The following MAP3K4 variants were observed in gnomAD, a reference collection of about 807,000 sequenced individuals.
MAP3K4 encodes the protein MAP three kinase 1.
A neutral mutation model predicts 185.6 loss-of-function variants in MAP3K4; 67 were observed. The ratio of observed to expected loss-of-function variants is 0.36; its 90% CI spans 0.30 to 0.44. The LOEUF (loss-of-function observed/expected upper bound fraction) is 0.44. Among genes scored for constraint, MAP3K4 ranks in the 20% least tolerant of loss-of-function variants. The pLI is 1.00. For synonymous variants in MAP3K4, 702 were observed against 710.4 expected (o/e 0.99, Z 0.19); for missense variants, 1,551 against 1,995.1 (o/e 0.78, Z 4.24).
At chr6:161,032,378 A>C (rs1422417555) in intron 1 of MAP3K4, among the ~76,000 whole-genome samples, 1 of 152,208 alleles carries the variant, frequency 6.6e-6, no homozygotes, top group Non-Finnish European at 1.5e-5. Flanking sequence ...TCAAGCATTT[A>C]GTGAACACTT....
chr6:160,992,349 C>T (rs1448535138), intron 1 of MAP3K4: 1 of 503,108 alleles, frequency 2.0e-6, no homozygotes, highest in South Asian at 3.0e-5. Context: ...ACTCCCCCAG[C>T]TCACCCTCAA....
chr6:160,993,984 G>A (rs1780872658), intron 1 of MAP3K4, among the ~76,000 whole-genome samples: 1 of 151,958 alleles, frequency 6.6e-6, no homozygotes, highest in African/African-American at 2.4e-5. Flanking sequence ...TCAATACATA[G>A]AACTGACCTC....
chr6:161,007,899 A>G lies in MAP3K4; in HGVS notation c.152+15816A>G, dbSNP rs1781666952. On this transcript the variant is annotated intron_variant, in intron 1 of 26. Coordinates refer to ENST00000392142, the MANE Select transcript of MAP3K4 (RefSeq NM_005922.4). This position sits in a 1 kb window ranked among gnomAD's most constrained non-coding sequence, Gnocchi z 4.5. Reference sequence around the variant, plus strand: ...GCTTTTTTTATATCAGTTGTAGGGTACGGTGAAATATCAGAGATGTTAAAA... The same window carrying G: ...GCTTTTTTTATATCAGTTGTAGGGTGCGGTGAAATATCAGAGATGTTAAAA... Among the ~76,000 whole-genome samples, 1 of 152,222 alleles carries G rather than the reference A, an allele frequency of 6.6e-6. No homozygotes were observed. Among genetic ancestry groups the G allele is most frequent in the African/African-American group, 2.4e-5 (1 of 41,470 alleles).
In MAP3K4 at chr6:161,071,345, G is replaced by C. The variant is rs1243509442; in HGVS notation, c.1950+495G>C. Among the ~76,000 whole-genome samples, 1 of 152,188 alleles carries C rather than the reference G, an allele frequency of 6.6e-6. No homozygotes were observed. Among genetic ancestry groups the C allele is most frequent in the African/African-American group, 2.4e-5 (1 of 41,458 alleles). On this transcript the variant is annotated intron_variant, in intron 4 of 26. Transcript: ENST00000392142. The surrounding 1 kb of genome is among the most constrained non-coding windows in gnomAD (Gnocchi z 4.6). Reference sequence around the variant, plus strand: ...ACGGATGTTTGATATCCCAGGAGCAGCAGCGGAATGGGTGGAAGCAGTTGT... The same window carrying C: ...ACGGATGTTTGATATCCCAGGAGCACCAGCGGAATGGGTGGAAGCAGTTGT...
intron 3 of MAP3K4, among the ~76,000 whole-genome samples, chr6:161,057,557 CAG>C (rs1491283492): frequency 6.6e-6 from 1 of 152,148 alleles, no homozygotes; most frequent in African/African-American, 2.4e-5. Flanking sequence ...TAGGACAAGT[CAG>C]AATCTCCCAG....
In MAP3K4 at chr6:161,101,946, G is replaced by C. The variant is rs781728287; in HGVS notation, c.3729G>C (p.Gln1243His). 6.2e-7 allele frequency: 1 copy of C among 1,614,172 alleles called. No homozygotes were observed. The highest frequency in any genetic ancestry group is 8.5e-7 in the Non-Finnish European group (1 of 1,180,014). Residue 1243 changes from glutamine to histidine, a missense_variant, in exon 18 of 27, where the codon CAG (glutamine) becomes CAC (histidine). Transcript: ENST00000392142. This position sits in a 1 kb window ranked among gnomAD's most constrained non-coding sequence, Gnocchi z 5.1. ...TGGCTTCCATAGCTGCTGAATTGCA[G>C]TTTAGGTCCCTGAGTCGTCACTCAA... ...DRLASIAAEL[Q>H]FRSLSRHSSP...
chr6:161,115,902 A>T lies in MAP3K4; in HGVS notation c.4806+600A>T, dbSNP rs1169476341. Reference sequence around the variant, plus strand: ...AAGGGCAGGAAGATAAGGCTAGAACAGTAACCAGGAGCAACATGAAGGAGT... The same window carrying T: ...AAGGGCAGGAAGATAAGGCTAGAACTGTAACCAGGAGCAACATGAAGGAGT... On this transcript the variant is annotated intron_variant, in intron 26 of 26. Transcript: ENST00000392142. This position sits in a 1 kb window ranked among gnomAD's most constrained non-coding sequence, Gnocchi z 6.0. Among the ~76,000 whole-genome samples the T allele has an allele frequency of 6.6e-6, 1 of 152,212 alleles. No homozygotes were observed. The highest frequency in any genetic ancestry group is 1.5e-5 in the Non-Finnish European group (1 of 68,036).
chr6:161,045,409 A>G (rs1242377500), intron 2 of MAP3K4, among the ~76,000 whole-genome samples: 1 of 152,204 alleles, frequency 6.6e-6, no homozygotes, highest in Non-Finnish European at 1.5e-5. Context: ...TATTTAACCT[A>G]TAAAAGTTAC....
At position 161,103,930 on chromosome 6, in the gene MAP3K4, G is replaced by A. The variant is rs568910181; in HGVS notation, c.3856+1151G>A. 2.0e-4 allele frequency among the ~76,000 whole-genome samples: 31 copies of A among 152,286 alleles called. No homozygotes were observed. Among genetic ancestry groups the A allele is most frequent in the Non-Finnish European group, 4.1e-4 (28 of 68,030 alleles). ...GTAGGTGTGTGTTGAGGGTTCAAGT[G>A]GGGGAGTTTTCCTAGGCTTGAGCCA... On this transcript the variant is annotated intron_variant, in intron 19 of 26. Coordinates refer to ENST00000392142, the MANE Select transcript of MAP3K4 (RefSeq NM_005922.4). The surrounding 1 kb of genome is among the most constrained non-coding windows in gnomAD (Gnocchi z 4.6).
rs1436146971 is a variant in MAP3K4 at position 161,037,291 on chromosome 6, G to A, written c.343+2842G>A. Among the ~76,000 whole-genome samples the A allele has an allele frequency of 6.6e-6, 1 of 152,124 alleles. No individual in the cohort carries two copies. Among genetic ancestry groups the A allele is most frequent in the East Asian group, 1.9e-4 (1 of 5,192 alleles). On this transcript the variant is annotated intron_variant, in intron 2 of 26. Coordinates refer to ENST00000392142, the MANE Select transcript of MAP3K4 (RefSeq NM_005922.4). The surrounding 1 kb of genome is among the most constrained non-coding windows in gnomAD (Gnocchi z 4.2). ...CTTGATCACCCGGACTCCAGTCCTGGTTCCGCTATCTTCTGCGTATGCAGC... is the reference window on the plus strand; with the variant it reads ...CTTGATCACCCGGACTCCAGTCCTGATTCCGCTATCTTCTGCGTATGCAGC...
rs1343904952 is a variant in MAP3K4, at chr6:161,112,105, T to G, written c.4519+147T>G. ...GAGAAGGACCACTTCCTCACACACT[T>G]GGGCTCCCACGCAAGAGCAGCTGTC... On this transcript the variant is annotated intron_variant, in intron 24 of 26. Coordinates refer to ENST00000392142, the MANE Select transcript of MAP3K4 (RefSeq NM_005922.4). The surrounding 1 kb of genome is among the most constrained non-coding windows in gnomAD (Gnocchi z 5.1). 1 of 1,028,238 alleles carries G rather than the reference T, an allele frequency of 9.7e-7. No individual in the cohort carries two copies. Among genetic ancestry groups the G allele is most frequent in the Non-Finnish European group, 1.4e-6 (1 of 726,218 alleles). The allele number at this position is 1,028,238 out of a possible 1,614,324, so 63.7% of individuals were successfully genotyped here.
At chr6:161,113,088 C>T (rs191318754) in intron 25 of MAP3K4, among the ~76,000 whole-genome samples, 1 of 152,298 alleles carries the variant, frequency 6.6e-6, no homozygotes, top group Non-Finnish European at 1.5e-5. Flanking sequence ...AAAACCCGCA[C>T]ATGAATGTTT....
chr6:160,999,952 A>T (rs1428161880), intron 1 of MAP3K4, among the ~76,000 whole-genome samples: 2 of 152,248 alleles, frequency 1.3e-5, no homozygotes, highest in Admixed American at 1.3e-4. Context: ...TGCTCGCAGA[A>T]TAAAGAAGAG....
chr6:160,998,080 C>A (rs938618262), intron 1 of MAP3K4, among the ~76,000 whole-genome samples: 3 of 152,044 alleles, frequency 2.0e-5, no homozygotes, highest in Admixed American at 6.6e-5. Flanking sequence ...GTATGTTACC[C>A]AGGCTGGATT....
At position 161,073,321 on chromosome 6, in the gene MAP3K4, C is replaced by A. The variant is rs760103028; in HGVS notation, c.1951-145C>A. The A allele has an allele frequency of 2.2e-5, 14 of 639,414 alleles. No individual in the cohort carries two copies. The highest frequency in any genetic ancestry group is 3.5e-5 in the Non-Finnish European group (14 of 404,366). 39.6% of individuals were successfully genotyped at this position (639,414 alleles called of 1,614,324 possible). ...TACTAAGGTATTTACATAAAATGAACTGATCAAGAATCTAGAAACTATTGT... is the reference window on the plus strand; with the variant it reads ...TACTAAGGTATTTACATAAAATGAAATGATCAAGAATCTAGAAACTATTGT... On this transcript the variant is annotated intron_variant, in intron 4 of 26. Transcript: ENST00000392142. This position sits in a 1 kb window ranked among gnomAD's most constrained non-coding sequence, Gnocchi z 4.2.
Position 161,074,850 on chromosome 6 carries a change from A to T in MAP3K4, c.2097+1238A>T, listed in dbSNP as rs1449980141. Reference sequence around the variant, plus strand: ...TAAGCGGGAAGAAAAGGGGAAACAGACCTTACCAGCTAAGTCCAGACCTTT... The same window carrying T: ...TAAGCGGGAAGAAAAGGGGAAACAGTCCTTACCAGCTAAGTCCAGACCTTT... On this transcript the variant is annotated intron_variant, in intron 5 of 26. Transcript: ENST00000392142. This position sits in a 1 kb window ranked among gnomAD's most constrained non-coding sequence, Gnocchi z 5.0. Among the ~76,000 whole-genome samples the T allele has an allele frequency of 1.3e-5, 2 of 152,174 alleles. No individual in the cohort carries two copies. The highest frequency in any genetic ancestry group is 2.9e-5 in the Non-Finnish European group (2 of 68,022).
At chr6:160,997,605 G>A (rs987516117) in intron 1 of MAP3K4, among the ~76,000 whole-genome samples, 1 of 151,978 alleles carries the variant, frequency 6.6e-6, no homozygotes, top group African/African-American at 2.4e-5. Flanking sequence ...AGAACAAACA[G>A]ACTATGAAAC....
rs1777282254 is a variant in MAP3K4, at chr6:161,091,074, G to A, written c.2974-305G>A. Among the ~76,000 whole-genome samples, 1 of 152,168 alleles carries A rather than the reference G, an allele frequency of 6.6e-6. No individual in the cohort carries two copies. Among genetic ancestry groups the A allele is most frequent in the Non-Finnish European group, 1.5e-5 (1 of 68,036 alleles). Reference sequence around the variant, plus strand: ...GAATTGCACCCGTACTTATGGTTGAGCAACCGTCCAGGAGGAGAAAACAAC... The same window carrying A: ...GAATTGCACCCGTACTTATGGTTGAACAACCGTCCAGGAGGAGAAAACAAC... On this transcript the variant is annotated intron_variant, in intron 11 of 26. Coordinates refer to ENST00000392142, the MANE Select transcript of MAP3K4 (RefSeq NM_005922.4). This position sits in a 1 kb window ranked among gnomAD's most constrained non-coding sequence, Gnocchi z 5.5.
At chr6:161,079,579 A>C (rs1313722026) in intron 5 of MAP3K4, among the ~76,000 whole-genome samples, 1 of 152,228 alleles carries the variant, frequency 6.6e-6, no homozygotes, top group Non-Finnish European at 1.5e-5. Flanking sequence ...TCCATCTCAA[A>C]AAAAGAAAGA....
Sources: gnomAD v4.1 joint callset for allele counts (sites outside exome capture counted in the v4.1 genomes callset) on GRCh38, gnomAD v4.1.1 for gene constraint, Gnocchi (gnomAD v3.1) non-coding constraint, MANE v1.5 for transcripts, NCBI Gene and HGNC (gene_info 2026-07-23, HGNC 2026-07-21) for gene names.